The following ANKS1B variants were observed in gnomAD, a reference collection of about 807,000 sequenced individuals.
ANKS1B encodes the protein ankyrin repeat and sterile alpha motif domain containing 1B, also known as ankyrin repeat and sterile alpha motif domain-containing protein 1B.
In ANKS1B, 36 loss-of-function variants were observed where a neutral mutation model predicts 148.3. That is an observed-to-expected ratio of 0.24 (90% CI 0.19 to 0.32). ANKS1B has a LOEUF of 0.32. ANKS1B is among the 10% of genes least tolerant of loss of function. ANKS1B has a pLI of 1.00. For synonymous variants in ANKS1B, 542 were observed against 560.8 expected, an observed-to-expected ratio of 0.97 and a Z score of 0.47; for missense variants, 1,157 against 1,542.6, an observed-to-expected ratio of 0.75 and a Z score of 4.19.
chr12:99,198,020 G>A (rs914961530), intron 14 of ANKS1B, among the ~76,000 whole-genome samples: 3 of 151,838 alleles, frequency 2.0e-5, no homozygotes, highest in Non-Finnish European at 4.4e-5. Flanking sequence ...GATGCACCCC[G>A]CTCAATCCCA....
chr12:99,505,137 G>C (rs1174062582), intron 9 of ANKS1B, among the ~76,000 whole-genome samples: 1 of 152,040 alleles, frequency 6.6e-6, no homozygotes, highest in African/African-American at 2.4e-5. Flanking sequence ...TCCTCTCTTT[G>C]GATGCAGTTT....
intron 24 of ANKS1B, among the ~76,000 whole-genome samples, chr12:98,775,420 A>G: frequency 6.6e-6 from 1 of 151,822 alleles, no homozygotes; most frequent in East Asian, 1.9e-4. Flanking sequence ...CTGACCCCTG[A>G]ATTTTCTGGA....
At chr12:99,387,260 G>A (rs2093900407) in intron 12 of ANKS1B, among the ~76,000 whole-genome samples, 1 of 152,186 alleles carries the variant, frequency 6.6e-6, no homozygotes, top group African/African-American at 2.4e-5. Flanking sequence ...GATTAGGAGT[G>A]GGGCACTTGG....
At chr12:99,350,495 T>C (rs1278581523) in intron 12 of ANKS1B, among the ~76,000 whole-genome samples, 1 of 152,020 alleles carries the variant, frequency 6.6e-6, no homozygotes, top group Non-Finnish European at 1.5e-5. Flanking sequence ...AAGACAACTG[T>C]AGACATCCCA....
In ANKS1B at chr12:99,646,652, C is replaced by CAA. The variant is rs35481645; in HGVS notation, c.1272+8413_1272+8414dup. 1.4e-3 allele frequency among the ~76,000 whole-genome samples: 52 copies of CAA among 35,888 alleles called. 3 individuals are homozygous for CAA. Among genetic ancestry groups the CAA allele is most frequent in the East Asian group, 0.01 (5 of 482 alleles). 23.5% of individuals were successfully genotyped at this position (35,888 alleles called of 152,430 possible). On this transcript the variant is annotated intron_variant, in intron 9 of 26. Transcript: ENST00000683438. ...CGGGTGACAGAGTGAGACTCCATCTCAAAAAAAAAAAAAAAAAAAAAAAAA... is the reference window on the plus strand; with the variant it reads ...CGGGTGACAGAGTGAGACTCCATCTCAAAAAAAAAAAAAAAAAAAAAAAAAAA...
At chr12:98,792,453 G>A (rs2098885510) in intron 22 of ANKS1B, among the ~76,000 whole-genome samples, 1 of 152,214 alleles carries the variant, frequency 6.6e-6, no homozygotes, top group East Asian at 1.9e-4. Flanking sequence ...TTTGTTTTCA[G>A]AAATTCAAAA....
rs544133145 is a variant in ANKS1B at position 99,430,400 on chromosome 12, G to A, written c.1575+13273C>T. Among the ~76,000 whole-genome samples the A allele has an allele frequency of 5.3e-5, 8 of 152,280 alleles. No homozygotes were observed. In the South Asian group the frequency reaches 1.7e-3, roughly 32 times the overall value. ...TGGTACAGTTAATTGATATAAGGAAGGAAGAGCAGATTTTTGGAGAAAGAT... is the reference window on the plus strand; with the variant it reads ...TGGTACAGTTAATTGATATAAGGAAAGAAGAGCAGATTTTTGGAGAAAGAT... On this transcript the variant is annotated intron_variant, in intron 11 of 26. Transcript: ENST00000683438.
chr12:99,083,651 C>T (rs1040141797), intron 16 of ANKS1B: 1 of 152,088 alleles, frequency 6.6e-6, no homozygotes, highest in African/African-American at 2.4e-5. Context: ...ATAAAACTTA[C>T]CATCATCGCC....
chr12:98,862,662 T>G (rs1173468526), intron 17 of ANKS1B, among the ~76,000 whole-genome samples: 1 of 152,178 alleles, frequency 6.6e-6, no homozygotes, highest in African/African-American at 2.4e-5. Context: ...GGGAAATGCA[T>G]TCATATGAAC....
intron 4 of ANKS1B, among the ~76,000 whole-genome samples, chr12:99,792,911 T>G (rs2065835586): frequency 6.6e-6 from 1 of 152,164 alleles, no homozygotes; most frequent in South Asian, 2.1e-4. Flanking sequence ...AAATTATCCT[T>G]GTTTGCAGAT....
At position 99,290,268 on chromosome 12, in the gene ANKS1B, T is replaced by G. The variant is rs184574192; in HGVS notation, c.1757-43404A>C. 6.6e-5 allele frequency among the ~76,000 whole-genome samples: 9 copies of G among 135,946 alleles called. No individual in the cohort carries two copies. The East Asian group carries it at 1.9e-3, about 28-fold the overall frequency. The allele number at this position is 135,946 out of a possible 152,430, so 89.2% of individuals were successfully genotyped here. On this transcript the variant is annotated intron_variant, in intron 12 of 26. Transcript: ENST00000683438. ...GTAACAAGTAATTAGATCAAAGCCA[T>G]ACTAAAAAGTCTCCCAGAAAAAAAA...
chr12:99,527,095 C>T (rs2096934066), intron 9 of ANKS1B, among the ~76,000 whole-genome samples: 1 of 152,118 alleles, frequency 6.6e-6, no homozygotes. Context: ...GTCCTGCTGA[C>T]ACCTTAATTT....
intron 7 of ANKS1B, among the ~76,000 whole-genome samples, chr12:99,773,610 CA>C (rs1257180937): frequency 6.6e-6 from 1 of 151,942 alleles, no homozygotes; most frequent in Non-Finnish European, 1.5e-5. Flanking sequence ...CATCATCTGT[CA>C]AACATGAAGA....
At chr12:98,740,130 G>C (rs1206683130), downstream of ANKS1B, among the ~76,000 whole-genome samples, 1 of 152,192 alleles carries the variant, frequency 6.6e-6, no homozygotes, top group East Asian at 1.9e-4. Context: ...TGGGAGTGTG[G>C]TGGTATGTGT....
chr12:99,599,944 A>G (rs1020660186), intron 9 of ANKS1B, among the ~76,000 whole-genome samples: 1 of 151,142 alleles, frequency 6.6e-6, no homozygotes, highest in South Asian at 2.1e-4. Context: ...GAAAGTATCA[A>G]ATAAGTCAGT....
chr12:99,155,126 A>G (rs945126483), intron 14 of ANKS1B: 27 of 1,494,938 alleles, frequency 1.8e-5, no homozygotes, highest in Non-Finnish European at 2.3e-5. Context: ...GTTTCAAAAG[A>G]CACCAGGAAA....
At chr12:98,944,507 C>T (rs186505935) in intron 17 of ANKS1B, among the ~76,000 whole-genome samples, 1 of 151,984 alleles carries the variant, frequency 6.6e-6, no homozygotes, top group Non-Finnish European at 1.5e-5. Context: ...TCCTTTAGAG[C>T]AATGCAAATG....
intron 14 of ANKS1B, among the ~76,000 whole-genome samples, chr12:99,188,784 A>G (rs552119473): frequency 5.9e-5 from 9 of 152,322 alleles, no homozygotes; most frequent in African/African-American, 2.2e-4. Flanking sequence ...CAATTAAAAG[A>G]ACTAGAGAAG....
intron 14 of ANKS1B, among the ~76,000 whole-genome samples, chr12:99,221,135 C>T (rs533818481): frequency 2.9e-4 from 44 of 152,066 alleles, no homozygotes; most frequent in African/African-American, 8.0e-4. Context: ...GTCAGGAGAT[C>T]GAGACCATCC....
Sources: gnomAD v4.1 joint callset for allele counts (sites outside exome capture counted in the v4.1 genomes callset) on GRCh38, gnomAD v4.1.1 for gene constraint, MANE v1.5 for transcripts, NCBI Gene and HGNC (gene_info 2026-07-23, HGNC 2026-07-21) for gene names.